Variants in ZNF721 observed in about 807,000 individuals in gnomAD.
ZNF721 encodes zinc finger protein 721.
Under a neutral mutation model 2.4 loss-of-function variants are expected in ZNF721, and 2 were observed. The observed-to-expected ratio is 0.82, with a 90% CI of 0.34 to 2.58. The LOEUF (loss-of-function observed/expected upper bound fraction) is 2.58, where lower values mean the gene tolerates loss of function less well. ZNF721 is among the 30% of genes most tolerant of loss of function. The pLI is 0.11. For synonymous variants in ZNF721, 398 were observed against 381.8 expected, an observed-to-expected ratio of 1.04 and a Z score of -0.50; for missense variants, 1,187 against 1,085.5, an observed-to-expected ratio of 1.09 and a Z score of -1.31.
chr4:477,254 CTTTTTTTTTTTTT>C (rs35272784), intron 1 of ZNF721, among the ~76,000 whole-genome samples: 1 of 74,168 alleles, frequency 1.3e-5, no homozygotes, highest in Non-Finnish European at 2.5e-5. Context: ...TGGTGAGTTC[CTTTTTTTTTTTTT>C]TTTTTTTTTT....
At chr4:465,200 T>A (rs950335395) in intron 2 of ZNF721, among the ~76,000 whole-genome samples, 1 of 150,364 alleles carries the variant, frequency 6.7e-6, no homozygotes, top group Non-Finnish European at 1.5e-5. Flanking sequence ...CTGAGCAACA[T>A]AGCAAAACCC....
chr4:467,597 T>G (rs1715293119), intron 2 of ZNF721, among the ~76,000 whole-genome samples: 1 of 152,162 alleles, frequency 6.6e-6, no homozygotes, highest in Non-Finnish European at 1.5e-5. Flanking sequence ...AAGAAAATGG[T>G]GCATGCAGCT....
At chr4:490,879 G>A (rs1319275580) in intron 1 of ZNF721, among the ~76,000 whole-genome samples, 16 of 150,456 alleles carry the variant, frequency 1.1e-4, no homozygotes, top group African/African-American at 3.9e-4. Flanking sequence ...TCTTGAAGCC[G>A]GGAGGTGGAG....
At position 496,703 on chromosome 4, in the gene ZNF721, ACTT is replaced by A. The variant is rs1288864678; in HGVS notation, c.-94+2350_-94+2352del. ...TAACAATGATCACACAAAATACATG[ACTT>A]CTTTTTTTTTTTTTTTTTTTTTTTT... On this transcript the variant is annotated intron_variant, in intron 1 of 2. Transcript: ENST00000511833. 3.1e-4 allele frequency among the ~76,000 whole-genome samples: 41 copies of A among 130,938 alleles called. 1 individual carries two copies. The highest frequency in any genetic ancestry group is 4.2e-3 in the Middle Eastern group (1 of 238). The allele number at this position is 130,938 out of a possible 152,430, so 85.9% of individuals were successfully genotyped here.
rs1651420605 is a variant in ZNF721, at chr4:442,341, G to A, written c.2126C>T (p.Ser709Leu). ...TCTCCTATGTGTAGTAAGGTTTCTT[G>A]ACCTACTAAAGGCTTTGCCACACTC... The part of the protein sequence containing the change: ...CEECGKAFSR[S>L]RNLTTHRRVH... Residue 709 changes from serine (S) to leucine (L), a missense_variant, in exon 3 of 3, where the codon TCA becomes TTA. By Grantham distance (145) the Ser-to-Leu change is moderately radical (BLOSUM62 -2). Coordinates refer to ENST00000511833, the MANE Select transcript of ZNF721 (RefSeq NM_133474.4). 6.2e-7 allele frequency: 1 copy of A among 1,613,872 alleles called. No homozygotes were observed.
chr4:468,640 G>C (rs1204042522), intron 2 of ZNF721, among the ~76,000 whole-genome samples: 1 of 152,072 alleles, frequency 6.6e-6, no homozygotes, highest in Non-Finnish European at 1.5e-5. Flanking sequence ...AACCCTCAAA[G>C]GCAGGCCACA....
intron 2 of ZNF721, among the ~76,000 whole-genome samples, chr4:450,606 G>A (rs1714616158): frequency 6.6e-6 from 1 of 151,984 alleles, no homozygotes; most frequent in South Asian, 2.1e-4. Context: ...AATATTCAAG[G>A]CAGGGCTTTA....
intron 2 of ZNF721, among the ~76,000 whole-genome samples, chr4:450,202 T>C (rs1299724987): frequency 6.7e-6 from 1 of 148,822 alleles, no homozygotes; most frequent in East Asian, 2.0e-4. Context: ...AATCAGTATG[T>C]CAAAGAGAAA....
In ZNF721 at chr4:467,921, G is replaced by T. The variant is rs552675990; in HGVS notation, c.34+4654C>A. Among the ~76,000 whole-genome samples the T allele has an allele frequency of 5.9e-5, 9 of 152,094 alleles. No homozygotes were observed. The East Asian group carries it at 1.7e-3, about 29-fold the overall frequency. On this transcript the variant is annotated intron_variant, in intron 2 of 2. Coordinates refer to ENST00000511833, the MANE Select transcript of ZNF721 (RefSeq NM_133474.4). ...GGAGGCCGAGGCGGGCAAATCAGGA[G>T]GTCAGGAGATCAAGACCAGCCTGGC...
chr4:481,778 C>T (rs574434669), intron 1 of ZNF721, among the ~76,000 whole-genome samples: 3 of 152,320 alleles, frequency 2.0e-5, no homozygotes, highest in South Asian at 4.1e-4. Flanking sequence ...TTGAACACAG[C>T]GTCCACCTTT....
intron 2 of ZNF721, among the ~76,000 whole-genome samples, chr4:468,737 AC>A (rs1715336765): frequency 1.3e-5 from 2 of 152,200 alleles, no homozygotes; most frequent in South Asian, 4.1e-4. Context: ...TGGGGACCCA[AC>A]AAAAGGAGAT....
chr4:496,099 T>G (rs1314966001), intron 1 of ZNF721, among the ~76,000 whole-genome samples: 2 of 152,110 alleles, frequency 1.3e-5, no homozygotes, highest in Admixed American at 6.5e-5. Context: ...TTTTCTCTGT[T>G]TTTTCCTTTT....
intron 2 of ZNF721, among the ~76,000 whole-genome samples, chr4:469,556 T>C (rs112102415): frequency 3.2e-4 from 49 of 152,340 alleles, no homozygotes; most frequent in African/African-American, 1.1e-3. Flanking sequence ...GTGTCATTTT[T>C]CACAGTAATA....
At chr4:448,819 C>G (rs1393370402) in intron 2 of ZNF721, among the ~76,000 whole-genome samples, 1 of 152,210 alleles carries the variant, frequency 6.6e-6, no homozygotes, top group Admixed American at 6.5e-5. Context: ...CTCATAATTA[C>G]TGCAGCATTG....
intron 1 of ZNF721, among the ~76,000 whole-genome samples, chr4:481,972 CTG>C (rs1715782533): frequency 6.6e-6 from 1 of 152,122 alleles, no homozygotes; most frequent in African/African-American, 2.4e-5. Context: ...GATCAGAAAA[CTG>C]AGTTAGATTT....
At chr4:497,496 C>G (rs1014158700) in intron 1 of ZNF721, among the ~76,000 whole-genome samples, 1 of 152,274 alleles carries the variant, frequency 6.6e-6, no homozygotes, top group South Asian at 2.1e-4. Context: ...ACGCCCATGA[C>G]ACAGCCTCCG....
Position 444,220 on chromosome 4 carries a change from A to G in ZNF721, c.247T>C (p.Cys83Arg), listed in dbSNP as rs782223933. The G allele has an allele frequency of 4.3e-6, 7 of 1,613,518 alleles. No homozygotes were observed. The highest frequency in any genetic ancestry group is 1.3e-5 in the African/African-American group (1 of 74,896). The change falls in exon 3 of 3, where the codon TGT (cysteine) becomes CGT (arginine). Residue 83 changes from cysteine (C) to arginine (R), a missense_variant. By Grantham distance (180) the Cys-to-Arg change is radical. Coordinates refer to ENST00000511833, the MANE Select transcript of ZNF721 (RefSeq NM_133474.4). Reference sequence around the variant, plus strand: ...CTAAAAACTTTGACACGTGCATTACATTGAAATATTTTGCTCTGAGTATTT... The same window carrying G: ...CTAAAAACTTTGACACGTGCATTACGTTGAAATATTTTGCTCTGAGTATTT... ...LSNTQSKIFQCNARVKVFSKF... is the reference protein window; with the variant it reads ...LSNTQSKIFQRNARVKVFSKF...
intron 1 of ZNF721, among the ~76,000 whole-genome samples, chr4:483,595 C>T (rs1715824493): frequency 6.6e-6 from 1 of 151,246 alleles, no homozygotes; most frequent in South Asian, 2.1e-4. Context: ...ATTGTGGTTA[C>T]ATTTGGGGAG....
At chr4:480,741 G>C (rs1265649396) in intron 1 of ZNF721, among the ~76,000 whole-genome samples, 6 of 147,368 alleles carry the variant, frequency 4.1e-5, no homozygotes, top group Non-Finnish European at 8.9e-5. Context: ...GGAAGGTAGA[G>C]CCGTATTCCA....
Sources: allele counts gnomAD v4.1 joint callset (sites outside exome capture counted in the v4.1 genomes callset), GRCh38; gene constraint gnomAD v4.1.1; transcripts MANE v1.5; gene names NCBI Gene and HGNC (gene_info 2026-07-23, HGNC 2026-07-21).